CNBD1: variants seen among roughly 807,000 people sequenced by gnomAD.
CNBD1 encodes cyclic nucleotide-binding domain-containing protein 1.
Under a neutral mutation model 54.4 loss-of-function variants are expected in CNBD1, and 71 were observed. The observed-to-expected ratio is 1.30, with a 90% CI of 1.08 to 1.59. CNBD1 has a LOEUF of 1.59. CNBD1 is among the 40% of genes most tolerant of loss of function. The pLI is 0.00. For missense variants in CNBD1, 659 were observed against 518.0 expected (o/e 1.27, Z -2.64); for synonymous variants, 182 against 170.7 (o/e 1.07, Z -0.51).
intron 2 of CNBD1, among the ~76,000 whole-genome samples, chr8:87,397,902 T>C (rs911488936): frequency 6.6e-6 from 1 of 152,032 alleles, no homozygotes; most frequent in Admixed American, 6.6e-5. Flanking sequence ...AGAGTTTCTC[T>C]GCACAAGCTC....
intron 1 of CNBD1, among the ~76,000 whole-genome samples, chr8:86,868,699 CGTTAT>C (rs1226091829): frequency 6.6e-6 from 1 of 151,926 alleles, no homozygotes; most frequent in African/African-American, 2.4e-5. Flanking sequence ...ACATTTAGCA[CGTTAT>C]GTTATTTCAT....
rs575454396 is a variant in CNBD1, at chr8:87,099,467, C to T, written c.432-106526C>T. 5.9e-5 allele frequency among the ~76,000 whole-genome samples: 9 copies of T among 152,084 alleles called. No homozygotes were observed. In the East Asian group the frequency reaches 1.2e-3, roughly 20 times the overall value. On this transcript the variant is annotated intron_variant, in intron 4 of 10. Coordinates refer to ENST00000518476, the MANE Select transcript of CNBD1 (RefSeq NM_173538.3). ...ATAGTAGGGTGGCAATGGTAGATGT[C>T]GAAAATCAATTAGAGGGCCGTCGTC...
Position 87,324,230 on chromosome 8 carries a change from T to G in CNBD1, c.1043-27455T>G, listed in dbSNP as rs1400796732. 5.5e-5 allele frequency among the ~76,000 whole-genome samples: 7 copies of G among 128,242 alleles called. 1 individual carries two copies. Among genetic ancestry groups the G allele is most frequent in the Non-Finnish European group, 1.2e-4 (7 of 57,414 alleles). 84.1% of individuals were successfully genotyped at this position (128,242 alleles called of 152,430 possible). On this transcript the variant is annotated intron_variant, in intron 8 of 10. Coordinates refer to ENST00000518476, the MANE Select transcript of CNBD1 (RefSeq NM_173538.3). ...CAGTATTTTATTGAGGATTTTTGCATCAATGTTCATCAAGGATATTGATCT... is the reference window on the plus strand; with the variant it reads ...CAGTATTTTATTGAGGATTTTTGCAGCAATGTTCATCAAGGATATTGATCT...
At chr8:86,935,527 G>A (rs533622076) in intron 3 of CNBD1, among the ~76,000 whole-genome samples, 6 of 152,100 alleles carry the variant, frequency 3.9e-5, no homozygotes, top group African/African-American at 1.4e-4. Context: ...AAATTTATTG[G>A]CATGAAGTTT....
intron 4 of CNBD1, among the ~76,000 whole-genome samples, chr8:87,179,051 C>T (rs1362863601): frequency 6.6e-6 from 1 of 152,122 alleles, no homozygotes; most frequent in Non-Finnish European, 1.5e-5. Context: ...GCTGAGACTA[C>T]AGGTGCGTGC....
rs115464956 is a variant in CNBD1 at position 87,212,401 on chromosome 8, C to G, written c.577+6263C>G. Among the ~76,000 whole-genome samples, 1,390 of 152,060 alleles carry G rather than the reference C, an allele frequency of 9.1e-3. 35 individuals carry two copies. The highest frequency in any genetic ancestry group is 0.032 in the African/African-American group (1,337 of 41,492). ...AGAAATTTAGGAGATGCAAAACAGC[C>G]ACAATATATTGAAAACAAATGATAA... On this transcript the variant is annotated intron_variant, in intron 5 of 10. Coordinates refer to ENST00000518476, the MANE Select transcript of CNBD1 (RefSeq NM_173538.3).
chr8:87,102,712 C>T (rs914900680), intron 4 of CNBD1, among the ~76,000 whole-genome samples: 2 of 152,088 alleles, frequency 1.3e-5, no homozygotes, highest in African/African-American at 2.4e-5. Flanking sequence ...CTCCCGGGTT[C>T]ACGCCGTTCT....
At chr8:87,415,072 A>G (rs1020678811) in intron 2 of CNBD1, among the ~76,000 whole-genome samples, 1 of 152,098 alleles carries the variant, frequency 6.6e-6, no homozygotes, top group Non-Finnish European at 1.5e-5. Context: ...TGTGAGCAGT[A>G]GCTGGAACTC....
intron 4 of CNBD1, among the ~76,000 whole-genome samples, chr8:86,946,734 T>C (rs1211483061): frequency 6.6e-6 from 1 of 152,120 alleles, no homozygotes; most frequent in Non-Finnish European, 1.5e-5. Flanking sequence ...CACAAAGTCT[T>C]TTAAGAATAT....
intron 4 of CNBD1, among the ~76,000 whole-genome samples, chr8:87,072,253 T>C (rs1029538241): frequency 6.6e-6 from 1 of 152,198 alleles, no homozygotes; most frequent in East Asian, 1.9e-4. Flanking sequence ...GTGTCTTGGC[T>C]CTTCATCCAG....
At chr8:86,940,562 A>G (rs540726155) in intron 4 of CNBD1, among the ~76,000 whole-genome samples, 1 of 152,322 alleles carries the variant, frequency 6.6e-6, no homozygotes, top group South Asian at 2.1e-4. Flanking sequence ...ATCTGAGTGT[A>G]GGCTGATTAC....
At chr8:87,226,803 TTC>T (rs1211706092) in intron 5 of CNBD1, among the ~76,000 whole-genome samples, 109 of 151,414 alleles carry the variant, frequency 7.2e-4, no homozygotes, top group African/African-American at 2.5e-3. Context: ...CTTGTTGACT[TTC>T]TGTCTCGTTG....
At chr8:87,212,050 G>A (rs548433643) in intron 5 of CNBD1, among the ~76,000 whole-genome samples, 1 of 152,112 alleles carries the variant, frequency 6.6e-6, no homozygotes, top group South Asian at 2.1e-4. Flanking sequence ...AGAATTTAGA[G>A]CACAAGCAAT....
At chr8:87,046,734 T>G (rs1810200037) in intron 4 of CNBD1, among the ~76,000 whole-genome samples, 1 of 152,214 alleles carries the variant, frequency 6.6e-6, no homozygotes, top group South Asian at 2.1e-4. Context: ...CATTTGGGAC[T>G]CTACACACTA....
intron 4 of CNBD1, among the ~76,000 whole-genome samples, chr8:87,194,803 T>A (rs1209596083): frequency 1.3e-5 from 2 of 152,176 alleles, no homozygotes; most frequent in Non-Finnish European, 2.9e-5. Flanking sequence ...TATGTGTGTT[T>A]TGTGTGCATA....
chr8:87,224,125 G>A (rs2130811921), intron 5 of CNBD1, among the ~76,000 whole-genome samples: 1 of 152,008 alleles, frequency 6.6e-6, no homozygotes, highest in South Asian at 2.1e-4. Flanking sequence ...TGAGTTCATT[G>A]TAGATTCTGG....
chr8:87,286,475 T>A (rs376112905), intron 7 of CNBD1, 64 bp from the exon 8 acceptor site: 2 of 939,394 alleles, frequency 2.1e-6, no homozygotes, highest in African/African-American at 1.7e-5. Context: ...CATTTATCTA[T>A]TTGCTATTTC....
intron 6 of CNBD1, among the ~76,000 whole-genome samples, chr8:87,263,275 A>T (rs965472860): frequency 1.3e-5 from 2 of 152,200 alleles, no homozygotes; most frequent in Non-Finnish European, 2.9e-5. Flanking sequence ...GCATATTTGT[A>T]TATAATAATA....
chr8:87,084,236 T>C (rs535678640), intron 4 of CNBD1, among the ~76,000 whole-genome samples: 27 of 152,352 alleles, frequency 1.8e-4, no homozygotes, highest in Non-Finnish European at 2.9e-4. Flanking sequence ...TTTTAAAAAG[T>C]TTTAAAATCT....
Sources: allele counts gnomAD v4.1 joint callset (sites outside exome capture counted in the v4.1 genomes callset), GRCh38; gene constraint gnomAD v4.1.1; transcripts MANE v1.5; gene names NCBI Gene and HGNC (gene_info 2026-07-23, HGNC 2026-07-21).